AMPD3: variants seen among roughly 807,000 people sequenced by gnomAD.
AMPD3 encodes AMP deaminase 3.
Under a neutral mutation model 82.3 loss-of-function variants are expected in AMPD3, and 57 were observed. That is an observed-to-expected ratio of 0.69 (90% CI 0.56 to 0.86). AMPD3 has a LOEUF of 0.86. AMPD3 is among the 40% of genes least tolerant of loss of function. AMPD3 has a pLI of 0.00. For synonymous variants in AMPD3, 381 were observed against 394.7 expected (o/e 0.97, Z 0.41); for missense variants, 870 against 1,003.8 (o/e 0.87, Z 1.80).
At chr11:10,492,302 C>T (rs1308213031) in intron 6 of AMPD3, among the ~76,000 whole-genome samples, 1 of 152,228 alleles carries the variant, frequency 6.6e-6, no homozygotes, top group African/African-American at 2.4e-5. Flanking sequence ...GGCCCCACAG[C>T]TTGAGTCCAT....
At chr11:10,500,910 C>A in intron 11 of AMPD3, 1 of 985,428 alleles carries the variant, frequency 1.0e-6, no homozygotes, top group Non-Finnish European at 1.2e-6. Context: ...GCCCTGGGGT[C>A]TCTCTAGCTC....
chr11:10,502,313 A>G (rs752997512), intron 12 of AMPD3: 6 of 985,394 alleles, frequency 6.1e-6, no homozygotes, highest in Non-Finnish European at 7.2e-6. Context: ...TGGAGTGTTT[A>G]TAGTCTCAAC....
intron 3 of AMPD3, 86 bp downstream of exon 3, chr11:10,478,816 G>A: frequency 7.1e-7 from 1 of 1,401,360 alleles, no homozygotes; most frequent in East Asian, 2.4e-5. Context: ...TCCCTCTGGA[G>A]CCTGGCCCTG....
Position 10,507,091 on chromosome 11 carries a change from T to C in AMPD3, c.*1207T>C, listed in dbSNP as rs1479305931. ...ATCTGTGTTACTAGTGCCTGGTATG[T>C]AGTAGGTGCTCAATAAATGCATATT... is the stretch of plus-strand genomic sequence containing the variant. On this transcript the variant is annotated 3_prime_UTR_variant, in exon 15 of 15. Coordinates refer to ENST00000396553, the MANE Select transcript of AMPD3 (RefSeq NM_001025389.2). 2.6e-5 allele frequency: 4 copies of C among 152,788 alleles called. No individual in the cohort carries two copies. Among genetic ancestry groups the C allele is most frequent in the East Asian group, 1.9e-4 (1 of 5,190 alleles). 9.5% of individuals were successfully genotyped at this position (152,788 alleles called of 1,614,324 possible).
intron 4 of AMPD3, 23 bp downstream of exon 4, chr11:10,482,248 T>TG (rs755280931): frequency 6.2e-7 from 1 of 1,610,212 alleles, no homozygotes; most frequent in Non-Finnish European, 8.5e-7. Context: ...GGCTGGAGGT[T>TG]GGGTCCCAAG....
At chr11:10,450,874 T>C (rs536893586), upstream of AMPD3, 19 of 1,222,608 alleles carry the variant, frequency 1.6e-5, no homozygotes, top group South Asian at 6.1e-4. Flanking sequence ...CGCTGCGCCC[T>C]CTGAACGCCC....
At chr11:10,490,637 G>T (rs1490069406) in intron 6 of AMPD3, 1 of 985,230 alleles carries the variant, frequency 1.0e-6, no homozygotes, top group Non-Finnish European at 1.2e-6. Flanking sequence ...TTTGGATGGG[G>T]TGCTTCCTGG....
intron 13 of AMPD3, chr11:10,504,271 C>T: frequency 1.0e-6 from 1 of 972,892 alleles, no homozygotes. Context: ...AGAGCAGAGA[C>T]TGCCATCCCT....
intron 1 of AMPD3, among the ~76,000 whole-genome samples, chr11:10,457,537 GA>G: frequency 6.6e-6 from 1 of 152,136 alleles, no homozygotes; most frequent in East Asian, 1.9e-4. Context: ...AAGCTAAAGA[GA>G]AAGGAAGATA....
intron 2 of AMPD3, among the ~76,000 whole-genome samples, chr11:10,477,656 G>A (rs1305633903): frequency 1.3e-5 from 2 of 152,168 alleles, no homozygotes; most frequent in Non-Finnish European, 2.9e-5. Context: ...ATTTGGTGCC[G>A]ATCAATCCCT....
At chr11:10,496,086 T>C (rs1849391178) in intron 9 of AMPD3, 1 of 391,208 alleles carries the variant, frequency 2.6e-6, no homozygotes, top group Non-Finnish European at 3.5e-6. Context: ...CTGGCCAATT[T>C]TTATATTTTT....
At chr11:10,488,568 A>G (rs553783396) in intron 6 of AMPD3, among the ~76,000 whole-genome samples, 156 of 152,020 alleles carry the variant, frequency 1.0e-3, no homozygotes, top group Non-Finnish European at 1.5e-3. Context: ...GGTTGTGGGG[A>G]GAGTAAGGCT....
chr11:10,490,299 G>A (rs971253985), intron 6 of AMPD3: 1 of 159,136 alleles, frequency 6.3e-6, no homozygotes, highest in Non-Finnish European at 1.3e-5. Flanking sequence ...TGGGAATTGG[G>A]TAGAAGTAGG....
chr11:10,476,034 T>C (rs983262346), intron 2 of AMPD3, among the ~76,000 whole-genome samples: 1 of 152,154 alleles, frequency 6.6e-6, no homozygotes, highest in African/African-American at 2.4e-5. Flanking sequence ...CCTATAGAAC[T>C]GTGAGCTAAT....
intron 8 of AMPD3, 108 bp downstream of exon 8, chr11:10,495,138 C>T (rs1849356271): frequency 1.2e-6 from 2 of 1,607,912 alleles, no homozygotes; most frequent in South Asian, 2.2e-5. Flanking sequence ...CCTCTGTGTA[C>T]CATCAGCTCA....
At chr11:10,472,302 G>T (rs936783852) in intron 2 of AMPD3, among the ~76,000 whole-genome samples, 2 of 152,112 alleles carry the variant, frequency 1.3e-5, no homozygotes, top group African/African-American at 4.8e-5. Context: ...GGGGGGTGAG[G>T]GGCTAGGGGA....
At position 10,456,479 on chromosome 11, in the gene AMPD3, G is replaced by T; in HGVS notation, c.-6+1031G>T. 1.2e-6 allele frequency: 2 copies of T among 1,613,670 alleles called. No homozygotes were observed. The highest frequency in any genetic ancestry group is 2.2e-5 in the South Asian group (2 of 91,066). On this transcript the variant is annotated intron_variant, in intron 1 of 14. Transcript: ENST00000396553. This position sits in a 1 kb window ranked among gnomAD's most constrained non-coding sequence, Gnocchi z 4.3. ...TCCTTCGTATAACGAGGGGATTTCA[G>T]TGGCACTGGGCTTCCTTTCTGGAGG...
intron 2 of AMPD3, among the ~76,000 whole-genome samples, chr11:10,471,235 G>T (rs1187982568): frequency 6.6e-6 from 1 of 152,184 alleles, no homozygotes; most frequent in African/African-American, 2.4e-5. Flanking sequence ...TTTAATAAAT[G>T]GTGTTGGGAA....
intron 1 of AMPD3, among the ~76,000 whole-genome samples, chr11:10,458,113 G>A (rs1255538708): frequency 6.6e-6 from 1 of 152,046 alleles, no homozygotes; most frequent in Non-Finnish European, 1.5e-5. Context: ...AGCTAACACA[G>A]AGATAGGTCT....
Sources: allele counts gnomAD v4.1 joint callset (sites outside exome capture counted in the v4.1 genomes callset), GRCh38; gene constraint gnomAD v4.1.1; non-coding constraint Gnocchi (gnomAD v3.1); transcripts MANE v1.5; gene names NCBI Gene and HGNC (gene_info 2026-07-23, HGNC 2026-07-21).